Variants in LINGO2 observed in about 807,000 individuals in gnomAD.
LINGO2 encodes leucine rich repeat and Ig domain containing 2.
Under a neutral mutation model 30.6 loss-of-function variants are expected in LINGO2, and 14 were observed. That is an observed-to-expected ratio of 0.46 (90% CI 0.30 to 0.72). The LOEUF (loss-of-function observed/expected upper bound fraction) is 0.72, where lower values mean the gene tolerates loss of function less well. LINGO2 is among the 30% of genes least tolerant of loss of function. The pLI, the probability that LINGO2 is intolerant of heterozygous loss-of-function variation, is 0.07. For synonymous variants in LINGO2, 317 were observed against 288.5 expected, an observed-to-expected ratio of 1.10 and a Z score of -1.00; for missense variants, 729 against 751.7, an observed-to-expected ratio of 0.97 and a Z score of 0.35.
chr9:29,046,551 T>C, the LINGO2 span, among the ~76,000 whole-genome samples: 348 of 152,188 alleles, frequency 2.3e-3, 2 homozygotes, highest in African/African-American at 7.9e-3. Flanking sequence ...ATGCAGAAGA[T>C]TGAAGCTAAA....
chr9:28,300,711 T>G (rs1237220494), intron 3 of LINGO2, among the ~76,000 whole-genome samples: 1 of 152,060 alleles, frequency 6.6e-6, no homozygotes, highest in Non-Finnish European at 1.5e-5. Context: ...ACCTTCTTCA[T>G]TTCAACAAAT....
intron 1 of LINGO2, among the ~76,000 whole-genome samples, chr9:28,578,038 T>C (rs1376076614): frequency 2.0e-5 from 3 of 152,114 alleles, no homozygotes; most frequent in Non-Finnish European, 2.9e-5. Flanking sequence ...TAGCAGGCAA[T>C]GGTGCAGGAA....
At chr9:28,552,015 G>A (rs1273437548) in intron 1 of LINGO2, among the ~76,000 whole-genome samples, 41 of 151,892 alleles carry the variant, frequency 2.7e-4, no homozygotes, top group Admixed American at 2.7e-3. Flanking sequence ...TTTAAATTGT[G>A]TGGTTTTGTT....
chr9:28,699,389 T>C, the LINGO2 span, among the ~76,000 whole-genome samples: 2 of 152,074 alleles, frequency 1.3e-5, no homozygotes, highest in South Asian at 2.1e-4. Flanking sequence ...ACAATACTCT[T>C]ATAATTTCTT....
At chr9:29,069,416 T>A in the LINGO2 span, among the ~76,000 whole-genome samples, 1 of 150,254 alleles carries the variant, frequency 6.7e-6, no homozygotes, top group Admixed American at 6.7e-5. Flanking sequence ...TAAAGGGATA[T>A]CAATTAGTAT....
At chr9:28,767,740 C>G in the LINGO2 span, among the ~76,000 whole-genome samples, 1 of 144,338 alleles carries the variant, frequency 6.9e-6, no homozygotes, top group Admixed American at 7.3e-5. Context: ...GAGCCGAGAT[C>G]GCGCCACTGC....
At chr9:29,097,844 C>T in the LINGO2 span, among the ~76,000 whole-genome samples, 4 of 138,588 alleles carry the variant, frequency 2.9e-5, no homozygotes, top group Admixed American at 3.0e-4. Flanking sequence ...ATCTGATTTA[C>T]GAGGAATGCA....
the LINGO2 span, among the ~76,000 whole-genome samples, chr9:29,119,365 GCA>G: frequency 1.3e-5 from 2 of 151,018 alleles, no homozygotes; most frequent in African/African-American, 2.4e-5. Flanking sequence ...ACGTGTGCGC[GCA>G]CACACACACA....
chr9:29,188,426 A>G, the LINGO2 span, among the ~76,000 whole-genome samples: 1 of 152,348 alleles, frequency 6.6e-6, no homozygotes, highest in Admixed American at 6.5e-5. Context: ...TTCTCCCTAC[A>G]CAGACACAGC....
intron 4 of LINGO2, among the ~76,000 whole-genome samples, chr9:28,098,490 C>A (rs930448482): frequency 1.3e-5 from 2 of 152,158 alleles, no homozygotes; most frequent in Non-Finnish European, 2.9e-5. Flanking sequence ...GTCTGCTTAG[C>A]ACTTTCACAT....
the LINGO2 span, among the ~76,000 whole-genome samples, chr9:28,765,458 G>A: frequency 2.6e-5 from 4 of 151,996 alleles, no homozygotes; most frequent in East Asian, 5.8e-4. Context: ...GGAAGGTGGG[G>A]CCTAGTGAGA....
intron 4 of LINGO2, among the ~76,000 whole-genome samples, chr9:28,212,040 G>A (rs1229985575): frequency 6.6e-6 from 1 of 151,296 alleles, no homozygotes; most frequent in African/African-American, 2.4e-5. Flanking sequence ...AGAAGACACT[G>A]TAGCATAATG....
intron 4 of LINGO2, among the ~76,000 whole-genome samples, chr9:28,182,626 C>A (rs968407232): frequency 6.6e-6 from 1 of 151,972 alleles, no homozygotes; most frequent in African/African-American, 2.4e-5. Context: ...AAGAAAAAAA[C>A]CCTAACCAAA....
intron 2 of LINGO2, among the ~76,000 whole-genome samples, chr9:28,389,712 C>G (rs958351983): frequency 6.6e-6 from 1 of 152,170 alleles, no homozygotes; most frequent in Admixed American, 6.5e-5. Context: ...AAACGAAAAC[C>G]TCACCTTTCA....
intron 1 of LINGO2, among the ~76,000 whole-genome samples, chr9:28,484,384 G>A (rs1263447835): frequency 6.6e-6 from 1 of 152,010 alleles, no homozygotes; most frequent in Non-Finnish European, 1.5e-5. Flanking sequence ...ATCCGTCCAA[G>A]TTTTGCCCTC....
At chr9:29,187,023 T>C in the LINGO2 span, among the ~76,000 whole-genome samples, 3,257 of 152,246 alleles carry the variant, frequency 0.021, 57 homozygotes, top group Middle Eastern at 0.048. Flanking sequence ...GAAATCATTG[T>C]TGTCTCCCCA....
intron 4 of LINGO2, among the ~76,000 whole-genome samples, chr9:28,072,876 A>C (rs7035797): frequency 0.07 from 10,661 of 151,760 alleles, 1,127 homozygotes; most frequent in African/African-American, 0.23. Flanking sequence ...GCTTTTAGGC[A>C]CTCTGATAGC....
At chr9:28,106,046 G>A (rs1826581806) in intron 4 of LINGO2, among the ~76,000 whole-genome samples, 2 of 152,066 alleles carry the variant, frequency 1.3e-5, no homozygotes, top group African/African-American at 4.8e-5. Context: ...ATTCTCATAG[G>A]AGCCCCAACC....
At chr9:28,768,413 G>T in the LINGO2 span, among the ~76,000 whole-genome samples, 10,687 of 152,090 alleles carry the variant, frequency 0.07, 1,254 homozygotes, top group African/African-American at 0.24. Flanking sequence ...CTTTGATATA[G>T]TTTTTGCTAT....
Sources: gnomAD v4.1 joint callset for allele counts (sites outside exome capture counted in the v4.1 genomes callset) on GRCh38, gnomAD v4.1.1 for gene constraint, MANE v1.5 for transcripts, NCBI Gene and HGNC (gene_info 2026-07-23, HGNC 2026-07-21) for gene names.